LRRC37A2: variants seen among roughly 807,000 people sequenced by gnomAD.
LRRC37A2 encodes the protein leucine-rich repeat-containing protein 37A2.
Under a neutral mutation model 68.8 loss-of-function variants are expected in LRRC37A2, and 9 were observed. The observed-to-expected ratio is 0.13, with a 90% confidence interval of 0.08 to 0.23. LRRC37A2 has a LOEUF of 0.23. Ranked by LOEUF, LRRC37A2 falls within the 10% of genes least tolerant of loss-of-function variation. The probability of loss-of-function intolerance (pLI) is 1.00; values close to 1 mark genes in which losing one functional copy is unlikely to be tolerated. For synonymous variants in LRRC37A2, 63 were observed against 367.6 expected, an observed-to-expected ratio of 0.17 and a Z score of 9.48; for missense variants, 168 against 950.4, an observed-to-expected ratio of 0.18 and a Z score of 10.82.
chr17:46,551,156 T>C (rs1418910450), intron 11 of LRRC37A2, among the ~76,000 whole-genome samples: 1 of 149,586 alleles, frequency 6.7e-6, no homozygotes, highest in Non-Finnish European at 1.5e-5. Context: ...TTGGACACCA[T>C]GTGAGACATT....
chr17:46,766,628 C>T, the LRRC37A2 span, among the ~76,000 whole-genome samples: 2 of 152,160 alleles, frequency 1.3e-5, no homozygotes, highest in African/African-American at 4.8e-5. Context: ...TTGAGCTACA[C>T]CGAGGGGCTT....
the LRRC37A2 span, among the ~76,000 whole-genome samples, chr17:46,784,925 G>GTCTA: frequency 1.6e-4 from 24 of 152,024 alleles, no homozygotes; most frequent in Non-Finnish European, 3.2e-4. Context: ...ACAGGCACCC[G>GTCTA]CCACCATGCC....
chr17:46,839,918 TTCTTTCTTTC>T, the LRRC37A2 span, among the ~76,000 whole-genome samples: 2 of 76,100 alleles, frequency 2.6e-5, no homozygotes, highest in Non-Finnish European at 5.5e-5. Flanking sequence ...TCTCTTTTCT[TTCTTTCTTTC>T]TTTCTTTCTT....
chr17:46,755,687 G>T, the LRRC37A2 span: 2 of 1,169,468 alleles, frequency 1.7e-6, no homozygotes, highest in East Asian at 2.5e-5. Flanking sequence ...ATGCATAGTG[G>T]GAAATGTAGG....
chr17:46,766,524 C>T, the LRRC37A2 span, among the ~76,000 whole-genome samples: 26 of 152,294 alleles, frequency 1.7e-4, no homozygotes, highest in African/African-American at 6.0e-4. Context: ...GATTCACCTT[C>T]GTCCTCTCCC....
the LRRC37A2 span, among the ~76,000 whole-genome samples, chr17:46,819,579 C>T: frequency 3.1e-4 from 47 of 152,252 alleles, no homozygotes; most frequent in Middle Eastern, 3.4e-3. The surrounding 1 kb of genome is among the most constrained non-coding windows in gnomAD (Gnocchi z 5.3). Flanking sequence ...CAGCTCTGGC[C>T]GAGGGCGGCC....
the LRRC37A2 span, among the ~76,000 whole-genome samples, chr17:46,685,440 T>C: frequency 1.6e-4 from 24 of 151,912 alleles, no homozygotes; most frequent in African/African-American, 5.8e-4. Flanking sequence ...AAAACATCAC[T>C]TCTGTAATTT....
At chr17:46,775,373 G>A in the LRRC37A2 span, among the ~76,000 whole-genome samples, 1 of 152,272 alleles carries the variant, frequency 6.6e-6, no homozygotes, top group East Asian at 1.9e-4. Flanking sequence ...AATTCGTGGA[G>A]ACTCCAAGGC....
chr17:47,000,194 ACT>A, the LRRC37A2 span, among the ~76,000 whole-genome samples: 1 of 150,162 alleles, frequency 6.7e-6, no homozygotes, highest in African/African-American at 2.4e-5. Flanking sequence ...TGCCTCACAC[ACT>A]GTGGTGGCTC....
the LRRC37A2 span, among the ~76,000 whole-genome samples, chr17:46,490,397 T>C: frequency 1.3e-5 from 2 of 151,270 alleles, no homozygotes; most frequent in Admixed American, 6.6e-5. Context: ...GCTTTGACTT[T>C]CATAAATAAT....
At chr17:46,545,454 AAAT>A (rs1460434329) in intron 8 of LRRC37A2, among the ~76,000 whole-genome samples, 1 of 106,446 alleles carries the variant, frequency 9.4e-6, no homozygotes, top group Admixed American at 1.0e-4. Flanking sequence ...TAAAAATAAA[AAAT>A]AATAATTTTC....
the LRRC37A2 span, among the ~76,000 whole-genome samples, chr17:46,766,179 C>T: frequency 2.0e-5 from 3 of 152,124 alleles, no homozygotes; most frequent in Admixed American, 6.5e-5. Context: ...GGGGCCAAGA[C>T]GGGTGGATCA....
the LRRC37A2 span, among the ~76,000 whole-genome samples, chr17:46,747,372 CTT>C: frequency 6.6e-6 from 1 of 152,184 alleles, no homozygotes; most frequent in Non-Finnish European, 1.5e-5. Flanking sequence ...CCTCAAACTC[CTT>C]GGCTCAAGCG....
At chr17:46,936,488 C>A in the LRRC37A2 span, 2 of 985,498 alleles carry the variant, frequency 2.0e-6, no homozygotes, top group Middle Eastern at 1.0e-3. Flanking sequence ...CTGTGGCTAC[C>A]TGGTGTTTGT....
the LRRC37A2 span, among the ~76,000 whole-genome samples, chr17:46,486,019 G>A: frequency 2.6e-5 from 2 of 76,698 alleles, no homozygotes; most frequent in Non-Finnish European, 6.6e-5. Context: ...AAAATTTACC[G>A]TGTAACCATT....
chr17:46,620,340 T>TA, the LRRC37A2 span, among the ~76,000 whole-genome samples: 1 of 10,898 alleles, frequency 9.2e-5, no homozygotes, highest in Non-Finnish European at 1.5e-4. Context: ...TTTTTTTTTT[T>TA]AAAGATGAAG....
chr17:46,886,905 C>T, the LRRC37A2 span, among the ~76,000 whole-genome samples: 4 of 152,178 alleles, frequency 2.6e-5, no homozygotes, highest in Admixed American at 6.5e-5. Context: ...CAAACTCCAC[C>T]TCCTAGGTTC....
the LRRC37A2 span, among the ~76,000 whole-genome samples, chr17:46,880,084 T>G: frequency 6.6e-6 from 1 of 152,256 alleles, no homozygotes; most frequent in African/African-American, 2.4e-5. Flanking sequence ...GCTGGCAGAC[T>G]GGGCCTGCAT....
the LRRC37A2 span, among the ~76,000 whole-genome samples, chr17:46,871,512 A>G: frequency 6.6e-6 from 1 of 152,112 alleles, no homozygotes; most frequent in Admixed American, 6.5e-5. Flanking sequence ...TGGAGAGTAA[A>G]GCATCTTGCA....
Sources: allele counts gnomAD v4.1 joint callset (sites outside exome capture counted in the v4.1 genomes callset), GRCh38; gene constraint gnomAD v4.1.1; non-coding constraint Gnocchi (gnomAD v3.1); transcripts MANE v1.5; gene names NCBI Gene and HGNC (gene_info 2026-07-23, HGNC 2026-07-21).